Variants in GABPA observed in about 807,000 individuals in gnomAD.
The protein encoded by GABPA is GA binding protein transcription factor subunit alpha, also known as GA-binding protein alpha chain.
In GABPA, 4 loss-of-function variants were observed where a neutral mutation model predicts 59.4. The ratio of observed to expected loss-of-function variants is 0.07; its 90% confidence interval spans 0.03 to 0.15. GABPA has a LOEUF of 0.15. Among genes scored for constraint, GABPA ranks in the 10% least tolerant of loss-of-function variants. GABPA has a pLI of 1.00. For missense variants in GABPA, 251 were observed against 543.8 expected (o/e 0.46, Z 5.36); for synonymous variants, 164 against 183.1 (o/e 0.90, Z 0.84).
At chr21:25,759,797 A>T (rs1486402894) in intron 6 of GABPA, among the ~76,000 whole-genome samples, 7 of 152,190 alleles carry the variant, frequency 4.6e-5, no homozygotes, top group Non-Finnish European at 1.5e-5. Flanking sequence ...CATGTGAGTC[A>T]TGTTTATTGA....
intron 2 of GABPA, among the ~76,000 whole-genome samples, chr21:25,743,341 G>T (rs941309220): frequency 2.0e-5 from 3 of 152,108 alleles, no homozygotes. Flanking sequence ...ACTTTAAAAG[G>T]GCATGAATTT....
chr21:25,752,176 A>T lies in GABPA; in HGVS notation c.495A>T (p.Arg165Ser). Residue 165 changes from arginine (R) to serine (S), a missense_variant, in exon 5 of 10, where the codon AGA becomes AGT. By Grantham distance (110) the Arg-to-Ser change is moderately radical. This residue lies in a region of GABPA where 207 missense variants were observed against 366.7 expected (regional missense o/e 0.56). Coordinates refer to ENST00000400075, the MANE Select transcript of GABPA (RefSeq NM_002040.4). ...ISDETSEQVT[R>S]WAAALEGYRK... ...ATGAAACTTCAGAACAAGTGACAAG[A>T]TGGGCTGCTGCACTGGAAGGCTATA... The T allele has an allele frequency of 6.2e-7, 1 of 1,612,660 alleles. No homozygotes were observed. The highest frequency in any genetic ancestry group is 8.5e-7 in the Non-Finnish European group (1 of 1,179,076).
chr21:25,752,433 AG>A (rs2035536731), intron 5 of GABPA, 199 bp downstream of exon 5: 1 of 592,708 alleles, frequency 1.7e-6, no homozygotes, highest in Non-Finnish European at 2.9e-6. Flanking sequence ...GGAAATACAA[AG>A]AAGTCTAAAA....
At chr21:25,744,387 A>G (rs1321377910) in intron 2 of GABPA, among the ~76,000 whole-genome samples, 2 of 152,206 alleles carry the variant, frequency 1.3e-5, no homozygotes, top group African/African-American at 4.8e-5. Flanking sequence ...TTCATTGAAT[A>G]TCATGTATGT....
rs550003161 is a variant in GABPA, at chr21:25,769,378, T to A, written c.*146T>A. ...ATTTTTTTATAAATATTTCATACTC[T>A]TGTGAATTTGGATCTTTTTACTTTG... On this transcript the variant is annotated 3_prime_UTR_variant, in exon 10 of 10. Transcript: ENST00000400075. 1.5e-5 allele frequency: 9 copies of A among 587,626 alleles called. No homozygotes were observed. Among genetic ancestry groups the A allele is most frequent in the Non-Finnish European group, 2.7e-5 (9 of 327,532 alleles). 36.4% of individuals were successfully genotyped at this position (587,626 alleles called of 1,614,324 possible).
At chr21:25,737,431 G>A (rs2035106069) in intron 1 of GABPA, among the ~76,000 whole-genome samples, 1 of 152,152 alleles carries the variant, frequency 6.6e-6, no homozygotes, top group Admixed American at 6.5e-5. Context: ...TTAAGAGACT[G>A]AGTAATATTT....
intron 1 of GABPA, among the ~76,000 whole-genome samples, chr21:25,741,321 A>G (rs190824242): frequency 6.6e-6 from 1 of 151,774 alleles, no homozygotes; most frequent in Non-Finnish European, 1.5e-5. Context: ...TTTAGTAGAG[A>G]CAGGATTTCG....
intron 7 of GABPA, chr21:25,763,109 T>C: frequency 2.1e-6 from 1 of 470,922 alleles, no homozygotes; most frequent in Non-Finnish European, 4.1e-6. Context: ...AATATCCATC[T>C]CCATTTTCAT....
At position 25,770,129 on chromosome 21, in the gene GABPA, TA is replaced by T. The variant is rs1262111746; in HGVS notation, c.*898del. On this transcript the variant is annotated 3_prime_UTR_variant, in exon 10 of 10. Coordinates refer to ENST00000400075, the MANE Select transcript of GABPA (RefSeq NM_002040.4). ...TGCCAGTTTATTATGCAAAGCAGCT[TA>T]TATTCCTTTGTTTCTGATAAAATGA... The T allele has an allele frequency of 3.3e-5, 5 of 152,576 alleles. No individual in the cohort carries two copies. The highest frequency in any genetic ancestry group is 1.2e-4 in the African/African-American group (5 of 41,446). 9.5% of individuals were successfully genotyped at this position (152,576 alleles called of 1,614,324 possible).
rs538943933 is a variant in GABPA, at chr21:25,765,084, A to T, written c.1136+297A>T. 2.0e-5 allele frequency among the ~76,000 whole-genome samples: 3 copies of T among 151,986 alleles called. No individual in the cohort carries two copies. The South Asian group carries it at 6.2e-4, about 31-fold the overall frequency. The stretch of plus-strand genomic sequence containing the variant: ...TTTTATTATTTGCATAGATGAATTG[A>T]GTGTTAGTTTTTAATGAGTAAGCAG... On this transcript the variant is annotated intron_variant, in intron 9 of 9. Coordinates refer to ENST00000400075, the MANE Select transcript of GABPA (RefSeq NM_002040.4).
intron 6 of GABPA, among the ~76,000 whole-genome samples, chr21:25,760,849 C>A (rs1160888135): frequency 6.6e-6 from 1 of 151,554 alleles, no homozygotes; most frequent in Non-Finnish European, 1.5e-5. Flanking sequence ...TGGTCTTGGA[C>A]CAGTCTTTCA....
chr21:25,751,710 A>G lies in GABPA; in HGVS notation c.308-279A>G, dbSNP rs145117389. The stretch of plus-strand genomic sequence containing the variant: ...TTTATCTATTTATTTTATTGTGGTA[A>G]GAACTGGTACTTCTTTTTTTCTAAT... On this transcript the variant is annotated intron_variant, in intron 4 of 9. Transcript: ENST00000400075. Among the ~76,000 whole-genome samples the G allele has an allele frequency of 8.3e-4, 126 of 152,070 alleles. 1 individual carries two copies. Among genetic ancestry groups the G allele is most frequent in the Admixed American group, 2.9e-3 (44 of 15,276 alleles).
intron 6 of GABPA, among the ~76,000 whole-genome samples, chr21:25,760,544 C>G (rs1329317160): frequency 1.3e-5 from 2 of 151,936 alleles, no homozygotes; most frequent in African/African-American, 4.8e-5. Flanking sequence ...CATCCAAGTC[C>G]CACTATACAT....
rs553607860 is a variant in GABPA, at chr21:25,759,965, G to T, written c.748+1761G>T. ...CTCTTATTGCTTCTCAAACTTTAAAGCTTATTCATAGGCTTTTCCCAGAAC... is the reference window on the plus strand; with the variant it reads ...CTCTTATTGCTTCTCAAACTTTAAATCTTATTCATAGGCTTTTCCCAGAAC... On this transcript the variant is annotated intron_variant, in intron 6 of 9. Coordinates refer to ENST00000400075, the MANE Select transcript of GABPA (RefSeq NM_002040.4). 7.9e-5 allele frequency among the ~76,000 whole-genome samples: 12 copies of T among 152,302 alleles called. No individual in the cohort carries two copies. In the East Asian group the frequency reaches 2.3e-3, roughly 29 times the overall value.
chr21:25,746,206 G>A lies in GABPA; in HGVS notation c.222+852G>A, dbSNP rs571310400. ...ATTTTCGTATTTTTAGTAGACACGGGGTTTTGCTGTGTTGGCCAGGCTGCT... is the reference window on the plus strand; with the variant it reads ...ATTTTCGTATTTTTAGTAGACACGGAGTTTTGCTGTGTTGGCCAGGCTGCT... On this transcript the variant is annotated intron_variant, in intron 3 of 9. Coordinates refer to ENST00000400075, the MANE Select transcript of GABPA (RefSeq NM_002040.4). Among the ~76,000 whole-genome samples, 14 of 152,058 alleles carry A rather than the reference G, an allele frequency of 9.2e-5. No individual in the cohort carries two copies. In the South Asian group the frequency reaches 2.9e-3, roughly 32 times the overall value.
At chr21:25,756,256 C>CA (rs1472270360) in intron 5 of GABPA, among the ~76,000 whole-genome samples, 1 of 152,058 alleles carries the variant, frequency 6.6e-6, no homozygotes, top group Non-Finnish European at 1.5e-5. Flanking sequence ...AGGTGTGTTT[C>CA]AGGATAGCTT....
intron 5 of GABPA, among the ~76,000 whole-genome samples, chr21:25,752,537 C>T (rs1481537174): frequency 6.6e-6 from 1 of 152,150 alleles, no homozygotes; most frequent in East Asian, 1.9e-4. Flanking sequence ...TGTTTTTAAA[C>T]TGCCAGTAAC....
intron 5 of GABPA, among the ~76,000 whole-genome samples, chr21:25,755,696 T>C (rs1032086326): frequency 2.0e-5 from 3 of 152,180 alleles, no homozygotes; most frequent in African/African-American, 7.2e-5. Flanking sequence ...TCTCCCCATC[T>C]ATTAATAAAT....
chr21:25,741,514 T>G, intron 1 of GABPA, 59 bp from the exon 2 acceptor site: 1 of 841,812 alleles, frequency 1.2e-6, no homozygotes, highest in East Asian at 2.8e-5. Context: ...CTCTACTTCT[T>G]GTGTGTCATT....
Sources: allele counts gnomAD v4.1 joint callset (sites outside exome capture counted in the v4.1 genomes callset), GRCh38; gene constraint gnomAD v4.1.1; regional missense constraint gnomAD v4.1.1; transcripts MANE v1.5; gene names NCBI Gene and HGNC (gene_info 2026-07-23, HGNC 2026-07-21).